Variants in ZBTB7C observed in about 807,000 individuals in gnomAD.
The protein encoded by ZBTB7C is zinc finger and BTB domain-containing protein 7C.
In ZBTB7C, 8 loss-of-function variants were observed where a neutral mutation model predicts 25.7. The ratio of observed to expected loss-of-function variants is 0.31; its 90% confidence interval spans 0.18 to 0.56. ZBTB7C has a LOEUF of 0.56. ZBTB7C is among the 20% of genes least tolerant of loss of function. The probability of loss-of-function intolerance (pLI) is 0.91; values close to 1 mark genes in which losing one functional copy is unlikely to be tolerated. For synonymous variants in ZBTB7C, 394 were observed against 369.0 expected (o/e 1.07, Z -0.78); for missense variants, 824 against 855.2 (o/e 0.96, Z 0.46).
intron 1 of ZBTB7C, among the ~76,000 whole-genome samples, chr18:48,376,813 C>A (rs2047529951): frequency 6.6e-6 from 1 of 152,216 alleles, no homozygotes; most frequent in African/African-American, 2.4e-5. Context: ...CTACCCCAGG[C>A]ATCAATTAGA....
chr18:48,149,276 C>G (rs1338556865), intron 3 of ZBTB7C: 2 of 152,414 alleles, frequency 1.3e-5, no homozygotes, highest in Admixed American at 6.5e-5. Flanking sequence ...GGACCAGAAG[C>G]TGGGCTGGGT....
intron 2 of ZBTB7C, among the ~76,000 whole-genome samples, chr18:48,278,251 G>A (rs755920097): frequency 6.6e-6 from 1 of 152,114 alleles, no homozygotes; most frequent in Non-Finnish European, 1.5e-5. Flanking sequence ...GGAGAAAGAG[G>A]CCCCAGAGAA....
intron 2 of ZBTB7C, among the ~76,000 whole-genome samples, chr18:48,206,267 G>C (rs2042574161): frequency 6.6e-6 from 1 of 152,194 alleles, no homozygotes; most frequent in African/African-American, 2.4e-5. Context: ...CAATGGAACA[G>C]AATAGAATCC....
intron 1 of ZBTB7C, among the ~76,000 whole-genome samples, chr18:48,379,171 A>C (rs1489539613): frequency 4.6e-5 from 7 of 152,100 alleles, no homozygotes; most frequent in Non-Finnish European, 7.4e-5. Flanking sequence ...AGTTGACTAC[A>C]TTTGTGTGGC....
At chr18:48,400,731 A>C (rs999571445) in intron 1 of ZBTB7C, among the ~76,000 whole-genome samples, 5 of 152,352 alleles carry the variant, frequency 3.3e-5, no homozygotes, top group Middle Eastern at 6.8e-3. Context: ...TACTGGGTTA[A>C]ATAAAATATA....
chr18:48,335,699 G>A (rs1378556548), intron 2 of ZBTB7C, among the ~76,000 whole-genome samples: 2 of 152,166 alleles, frequency 1.3e-5, no homozygotes, highest in African/African-American at 4.8e-5. Flanking sequence ...AACTTGAAAT[G>A]TGGTTGGTCC....
chr18:48,411,719 A>C (rs2048384918), upstream of ZBTB7C, among the ~76,000 whole-genome samples: 1 of 152,240 alleles, frequency 6.6e-6, no homozygotes, highest in African/African-American at 2.4e-5. Flanking sequence ...ATTTAGGTTG[A>C]GAAAAGAGGG....
At chr18:48,031,500 G>A (rs1233453159) in intron 4 of ZBTB7C, among the ~76,000 whole-genome samples, 2 of 152,178 alleles carry the variant, frequency 1.3e-5, no homozygotes, top group Non-Finnish European at 2.9e-5. Flanking sequence ...CTGTAACCCA[G>A]ATTTCACCTA....
At chr18:48,281,348 A>AT (rs1486575209) in intron 2 of ZBTB7C, among the ~76,000 whole-genome samples, 3 of 152,164 alleles carry the variant, frequency 2.0e-5, no homozygotes, top group Admixed American at 6.5e-5. Flanking sequence ...ACCTAAAACC[A>AT]TAAAAACCCT....
chr18:48,067,999 CATCA>C (rs1408467694), intron 3 of ZBTB7C, among the ~76,000 whole-genome samples: 2 of 152,064 alleles, frequency 1.3e-5, no homozygotes, highest in East Asian at 1.9e-4. Context: ...GAAACTCTGT[CATCA>C]ATCAATCAAT....
rs561778312 is a variant in ZBTB7C, at chr18:48,291,138, A to G, written c.-79+47036T>C. ...ATCTTGGTAAGAATGCACCACCACT[A>G]TAAGTAGAGGGCTGGCTGAAGAGCA... On this transcript the variant is annotated intron_variant, in intron 2 of 4. Coordinates refer to ENST00000590800, the MANE Select transcript of ZBTB7C (RefSeq NM_001318841.2). 6.6e-5 allele frequency among the ~76,000 whole-genome samples: 10 copies of G among 152,282 alleles called. No individual in the cohort carries two copies. In the South Asian group the frequency reaches 2.1e-3, roughly 32 times the overall value.
intron 3 of ZBTB7C, among the ~76,000 whole-genome samples, chr18:48,098,272 T>C (rs763028741): frequency 6.6e-5 from 10 of 152,310 alleles, no homozygotes; most frequent in South Asian, 2.1e-4. Flanking sequence ...GCAGCTTCTA[T>C]GGACCAGGTC....
chr18:48,161,218 G>A (rs1480312067), intron 3 of ZBTB7C, among the ~76,000 whole-genome samples: 4 of 152,004 alleles, frequency 2.6e-5, no homozygotes, highest in Non-Finnish European at 5.9e-5. Flanking sequence ...AAGACCCAGA[G>A]GGCCTGGGGG....
intron 2 of ZBTB7C, among the ~76,000 whole-genome samples, chr18:48,238,627 T>C (rs1253522419): frequency 6.6e-6 from 1 of 152,162 alleles, no homozygotes; most frequent in Non-Finnish European, 1.5e-5. Flanking sequence ...CTGTAGGCGC[T>C]CCTGGTCCCC....
At chr18:48,143,039 A>T (rs1010668246) in intron 3 of ZBTB7C, among the ~76,000 whole-genome samples, 2 of 151,954 alleles carry the variant, frequency 1.3e-5, no homozygotes, top group African/African-American at 4.8e-5. Context: ...ACAGATAAAC[A>T]TCTACCATGA....
At chr18:48,379,605 GA>G (rs1259385793) in intron 1 of ZBTB7C, among the ~76,000 whole-genome samples, 2 of 151,942 alleles carry the variant, frequency 1.3e-5, no homozygotes, top group South Asian at 2.1e-4. Context: ...GTTTTTGACA[GA>G]AAAAAATTGG....
At chr18:48,084,993 C>T (rs565402509) in intron 3 of ZBTB7C, among the ~76,000 whole-genome samples, 27 of 152,230 alleles carry the variant, frequency 1.8e-4, no homozygotes, top group Admixed American at 5.2e-4. Context: ...CAAGCCAAAC[C>T]TGTACTTTAG....
chr18:48,072,976 A>C (rs1275386273), intron 3 of ZBTB7C, among the ~76,000 whole-genome samples: 3 of 152,136 alleles, frequency 2.0e-5, no homozygotes, highest in Non-Finnish European at 4.4e-5. Context: ...GGATGACCTG[A>C]AAGGGAAGTT....
chr18:48,084,852 A>G (rs1466587327), intron 3 of ZBTB7C, among the ~76,000 whole-genome samples: 1 of 152,136 alleles, frequency 6.6e-6, no homozygotes, highest in African/African-American at 2.4e-5. Flanking sequence ...GGAGCCAGAG[A>G]GGGACTCTGT....
Sources: allele counts gnomAD v4.1 joint callset (sites outside exome capture counted in the v4.1 genomes callset), GRCh38; gene constraint gnomAD v4.1.1; transcripts MANE v1.5; gene names NCBI Gene and HGNC (gene_info 2026-07-23, HGNC 2026-07-21).